The following DDX18 variants were observed in gnomAD, a reference collection of about 807,000 sequenced individuals.
DDX18 encodes the protein ATP-dependent RNA helicase DDX18.
In DDX18, 23 loss-of-function variants were observed where a neutral mutation model predicts 73.5. That is an observed-to-expected ratio of 0.31 (90% CI 0.23 to 0.44). The LOEUF (loss-of-function observed/expected upper bound fraction) is 0.44, where lower values mean the gene tolerates loss of function less well. Among genes scored for constraint, DDX18 ranks in the 20% least tolerant of loss-of-function variants. The pLI is 1.00. For missense variants in DDX18, 753 were observed against 792.9 expected, an observed-to-expected ratio of 0.95 and a Z score of 0.60; for synonymous variants, 268 against 282.7, an observed-to-expected ratio of 0.95 and a Z score of 0.52.
Position 117,830,822 on chromosome 2 carries a change from TA to T in DDX18, c.*99del. 5 of 1,450,878 alleles carry T rather than the reference TA, an allele frequency of 3.4e-6. No individual in the cohort carries two copies. Among genetic ancestry groups the T allele is most frequent in the Non-Finnish European group, 4.7e-6 (5 of 1,052,882 alleles). 89.9% of individuals were successfully genotyped at this position (1,450,878 alleles called of 1,614,324 possible). A position where few individuals can be genotyped will look rare whatever the true frequency, so the allele number is the denominator to read the frequency against. On this transcript the variant is annotated 3_prime_UTR_variant, in exon 14 of 14. Coordinates refer to ENST00000263239, the MANE Select transcript of DDX18 (RefSeq NM_006773.4). ...TTTTGTAGACTTTAGAATTTGGACT[TA>T]CCTAACAAGAGTATAAATTGACTTG...
chr2:117,817,764 G>T, intron 2 of DDX18, 36 bp downstream of exon 2: 1 of 1,558,852 alleles, frequency 6.4e-7, no homozygotes, highest in Non-Finnish European at 8.6e-7. Flanking sequence ...CAGCCATTTA[G>T]TTTTTCACAG....
Position 117,830,683 on chromosome 2 carries a change from A to C in DDX18, c.1972A>C (p.Ile658Leu), listed in dbSNP as rs61748153. The stretch of plus-strand genomic sequence containing the variant: ...TGAGAAATCCAAAATCTTTAAACAC[A>C]TTAGCAAGAAATCATCTGACAGCAG... ...KVEKSKIFKHISKKSSDSRQF... is the reference protein window; with the variant it reads ...KVEKSKIFKHLSKKSSDSRQF... Residue 658 changes from isoleucine to leucine, a missense_variant, in exon 14 of 14, where the codon ATT becomes CTT. Ile to Leu is a conservative substitution (Grantham distance 5). Coordinates refer to ENST00000263239, the MANE Select transcript of DDX18 (RefSeq NM_006773.4). 195 of 1,613,704 alleles carry C rather than the reference A, an allele frequency of 1.2e-4. No homozygotes were observed. Among genetic ancestry groups the C allele is most frequent in the Non-Finnish European group, 1.6e-4 (184 of 1,179,814 alleles).
intron 13 of DDX18, 67 bp from the exon 14 acceptor site, chr2:117,830,515 C>T (rs199858877): frequency 1.4e-4 from 220 of 1,548,574 alleles, no homozygotes; most frequent in Middle Eastern, 1.1e-3. Flanking sequence ...CGGTTTTTTT[C>T]TCTGTGTAGA....
intron 13 of DDX18, 51 bp downstream of exon 13, chr2:117,829,517 A>C (rs759134302): frequency 1.3e-6 from 2 of 1,542,602 alleles, no homozygotes; most frequent in South Asian, 1.2e-5. Flanking sequence ...CAAAAGCTTG[A>C]CAGAGGGGCA....
intron 1 of DDX18, chr2:117,815,138 C>T: frequency 2.3e-6 from 1 of 440,272 alleles, no homozygotes. Context: ...TTACGACTAA[C>T]CCTGCCTTTT....
chr2:117,818,121 A>T (rs574802563), intron 2 of DDX18, among the ~76,000 whole-genome samples: 1 of 152,336 alleles, frequency 6.6e-6, no homozygotes, highest in African/African-American at 2.4e-5. Context: ...CTTCTGAATA[A>T]ATGGAACATT....
intron 3 of DDX18, 101 bp from the exon 4 acceptor site, chr2:117,821,060 C>T (rs998985163): frequency 3.4e-6 from 4 of 1,169,664 alleles, no homozygotes; most frequent in East Asian, 2.6e-5. Context: ...CCTTTTCTTA[C>T]TGCGGGAAGC....
intron 1 of DDX18, among the ~76,000 whole-genome samples, chr2:117,816,298 A>C (rs1573408338): frequency 6.6e-6 from 1 of 152,252 alleles, no homozygotes; most frequent in African/African-American, 2.4e-5. Flanking sequence ...TTTACATTAT[A>C]AACTTGTTAA....
chr2:117,815,698 C>T (rs573009009), intron 1 of DDX18: 1 of 152,304 alleles, frequency 6.6e-6, no homozygotes, highest in African/African-American at 2.4e-5. Flanking sequence ...AATAATACTA[C>T]AGCATTACTA....
intron 10 of DDX18, chr2:117,826,019 A>G (rs1679919601): frequency 2.4e-6 from 1 of 424,056 alleles, no homozygotes; most frequent in South Asian, 5.9e-5. Flanking sequence ...TGTTAATGCA[A>G]ACATCATGTC....
intron 12 of DDX18, 97 bp from the exon 13 acceptor site, chr2:117,829,192 C>T (rs1679980418): frequency 1.0e-5 from 14 of 1,340,886 alleles, no homozygotes; most frequent in Non-Finnish European, 1.4e-5. Context: ...TAAATGTTTT[C>T]CATGGAGTGG....
intron 2 of DDX18, among the ~76,000 whole-genome samples, chr2:117,818,436 G>A (rs1229395245): frequency 6.6e-6 from 1 of 152,182 alleles, no homozygotes; most frequent in Non-Finnish European, 1.5e-5. Flanking sequence ...CAGCCCCTGA[G>A]TTGGAACATC....
rs1679912744 is a variant in DDX18 at position 117,825,562 on chromosome 2, A to G, written c.1484A>G (p.Asp495Gly). Residue 495 changes from aspartate (D) to glycine (G), a missense_variant, in exon 10 of 14, where the codon GAC (aspartate) becomes GGC (glycine). Coordinates refer to ENST00000263239, the MANE Select transcript of DDX18 (RefSeq NM_006773.4). ...AARGLDIPEV[D>G]WIVQYDPPDD... ...AGAGGACTAGACATTCCTGAAGTCG[A>G]CTGGATTGTTCAGTATGACCCTCCG... is the stretch of plus-strand genomic sequence containing the variant. The G allele has an allele frequency of 6.2e-7, 1 of 1,614,080 alleles. No homozygotes were observed.
chr2:117,830,828 A>G lies in DDX18; in HGVS notation c.*104A>G. On this transcript the variant is annotated 3_prime_UTR_variant, in exon 14 of 14. Transcript: ENST00000263239. ...AGACTTTAGAATTTGGACTTACCTA[A>G]CAAGAGTATAAATTGACTTGGGTTG... is the stretch of plus-strand genomic sequence containing the variant. 1 of 1,389,822 alleles carries G rather than the reference A, an allele frequency of 7.2e-7. No homozygotes were observed. Among genetic ancestry groups the G allele is most frequent in the Non-Finnish European group, 1.0e-6 (1 of 1,004,276 alleles). 86.1% of individuals were successfully genotyped at this position (1,389,822 alleles called of 1,614,324 possible). A position where few individuals can be genotyped will look rare whatever the true frequency, so the allele number is the denominator to read the frequency against.
chr2:117,818,030 C>T (rs1485812881), intron 2 of DDX18, among the ~76,000 whole-genome samples: 5 of 152,042 alleles, frequency 3.3e-5, no homozygotes, highest in Non-Finnish European at 5.9e-5. Context: ...ACCTTTTTTC[C>T]TGCTTGATTC....
intron 11 of DDX18, chr2:117,826,779 CT>C: frequency 5.3e-6 from 1 of 187,744 alleles, no homozygotes; most frequent in Non-Finnish European, 1.1e-5. Flanking sequence ...CTCCCCTGCC[CT>C]CTGTCTCCTA....
At chr2:117,829,057 C>A (rs1558735344) in intron 12 of DDX18, 52 bp downstream of exon 12, 1 of 1,465,394 alleles carries the variant, frequency 6.8e-7, no homozygotes, top group African/African-American at 1.4e-5. Flanking sequence ...TCCCAGCACT[C>A]TGTTTGTAGT....
At chr2:117,824,739 G>A in intron 8 of DDX18, 31 bp downstream of exon 8, 1 of 1,466,760 alleles carries the variant, frequency 6.8e-7, no homozygotes. Context: ...AAAACTGTAG[G>A]GATCTTACTT....
chr2:117,820,645 C>G (rs566860629), intron 3 of DDX18, among the ~76,000 whole-genome samples: 1 of 152,302 alleles, frequency 6.6e-6, no homozygotes, highest in African/African-American at 2.4e-5. Flanking sequence ...ATGGGGAACC[C>G]CCAGGTGATT....
Sources: gnomAD v4.1 joint callset for allele counts (sites outside exome capture counted in the v4.1 genomes callset) on GRCh38, gnomAD v4.1.1 for gene constraint, MANE v1.5 for transcripts, NCBI Gene and HGNC (gene_info 2026-07-23, HGNC 2026-07-21) for gene names.